The following SENP5 variants were observed in gnomAD, a reference collection of about 807,000 sequenced individuals.
SENP5 encodes the protein SUMO specific peptidase 5.
SENP5 carries 21 observed loss-of-function variants against 74.2 expected under a neutral mutation model. That is an observed-to-expected ratio of 0.28 (90% confidence interval 0.20 to 0.41). The LOEUF (loss-of-function observed/expected upper bound fraction) is 0.41. Among genes scored for constraint, SENP5 ranks in the 10% least tolerant of loss-of-function variants. The pLI is 1.00. For missense variants in SENP5, 717 were observed against 889.1 expected (o/e 0.81, Z 2.46); for synonymous variants, 311 against 312.7 (o/e 0.99, Z 0.06).
intron 1 of SENP5, among the ~76,000 whole-genome samples, chr3:196,868,829 G>A (rs967235480): frequency 6.6e-6 from 1 of 151,402 alleles, no homozygotes; most frequent in African/African-American, 2.4e-5. Flanking sequence ...TGAGAATCTG[G>A]TTAAATTTAA....
chr3:196,891,688 C>G (rs1714206343), intron 2 of SENP5, among the ~76,000 whole-genome samples: 1 of 152,156 alleles, frequency 6.6e-6, no homozygotes. Flanking sequence ...AGTCCCAGCT[C>G]CTCAGATGGA....
rs779515847 is a variant in SENP5 at position 196,899,715 on chromosome 3, T to C, written c.1563T>C (p.Ser521=). ...AGTATGGCAGTTTGGTTCCACTCAG[T>C]GAAAAAGAAGTCCTTGGAAGATTAA... is the stretch of plus-strand genomic sequence containing the variant. ...MKKYGSLVPL[S]EKEVLGRLKD... The change falls in exon 3 of 10, where the codon AGT becomes AGC. Residue 521 remains serine (S), a synonymous_variant. Coordinates refer to ENST00000323460, the MANE Select transcript of SENP5 (RefSeq NM_152699.5). The C allele has an allele frequency of 6.2e-7, 1 of 1,611,240 alleles. No homozygotes were observed. Among genetic ancestry groups the C allele is most frequent in the Non-Finnish European group, 8.5e-7 (1 of 1,177,568 alleles).
intron 6 of SENP5, chr3:196,914,605 A>ATATATGTATG (rs1553825411): frequency 1.6e-5 from 2 of 122,492 alleles, no homozygotes; most frequent in African/African-American, 6.5e-5. Flanking sequence ...ATATATATAT[A>ATATATGTATG]TATATATGTC....
intron 6 of SENP5, among the ~76,000 whole-genome samples, chr3:196,920,195 A>G (rs1715561944): frequency 6.6e-6 from 1 of 152,234 alleles, no homozygotes; most frequent in African/African-American, 2.4e-5. Context: ...CAGTGTATGA[A>G]CATGGTATAT....
chr3:196,873,958 C>T (rs996296429), intron 1 of SENP5, among the ~76,000 whole-genome samples: 5 of 151,810 alleles, frequency 3.3e-5, no homozygotes, highest in African/African-American at 1.2e-4. Flanking sequence ...CTGCCTCAGC[C>T]TCTTGAGTAG....
intron 2 of SENP5, among the ~76,000 whole-genome samples, chr3:196,893,200 G>C (rs997511538): frequency 2.0e-5 from 3 of 152,158 alleles, no homozygotes; most frequent in African/African-American, 7.2e-5. Flanking sequence ...TCCTTTGCCT[G>C]CTTTTTAAAT....
chr3:196,891,200 A>G (rs1714185187), intron 2 of SENP5, among the ~76,000 whole-genome samples: 1 of 152,246 alleles, frequency 6.6e-6, no homozygotes, highest in Non-Finnish European at 1.5e-5. Context: ...AAAAGGCCTT[A>G]TAACATATGA....
intron 5 of SENP5, among the ~76,000 whole-genome samples, chr3:196,901,513 A>C (rs964226205): frequency 6.6e-6 from 1 of 152,150 alleles, no homozygotes; most frequent in South Asian, 2.1e-4. Context: ...CTATTTTTTT[A>C]CTTAATGTAT....
chr3:196,911,973 T>C (rs1317946547), intron 6 of SENP5, among the ~76,000 whole-genome samples: 1 of 152,228 alleles, frequency 6.6e-6, no homozygotes, highest in Non-Finnish European at 1.5e-5. Flanking sequence ...GCTTTTACAC[T>C]GTTGGTGGGA....
intron 9 of SENP5, among the ~76,000 whole-genome samples, chr3:196,930,093 A>G (rs1715976731): frequency 1.3e-5 from 2 of 152,096 alleles, no homozygotes; most frequent in Non-Finnish European, 2.9e-5. Flanking sequence ...TGTGCTGTAG[A>G]TCTCCTTAGA....
At chr3:196,897,865 T>C (rs1299497477) in intron 2 of SENP5, among the ~76,000 whole-genome samples, 1 of 152,116 alleles carries the variant, frequency 6.6e-6, no homozygotes, top group Non-Finnish European at 1.5e-5. Context: ...CTTTTTTGTA[T>C]TTACTTAGAA....
At chr3:196,868,854 G>C (rs904556748) in intron 1 of SENP5, among the ~76,000 whole-genome samples, 4 of 152,076 alleles carry the variant, frequency 2.6e-5, no homozygotes, top group African/African-American at 9.7e-5. Context: ...AGAATATCCA[G>C]GACACTTCAT....
At position 196,886,496 on chromosome 3, in the gene SENP5, T is replaced by G. The variant is rs1377441907; in HGVS notation, c.1315T>G (p.Ser439Ala). 1 of 1,612,232 alleles carries G rather than the reference T, an allele frequency of 6.2e-7. No homozygotes were observed. The change falls in exon 2 of 10, where the codon TCA becomes GCA. Residue 439 changes from serine (S) to alanine (A), a missense_variant. Around this residue, in one of 4 missense-constraint regions of SENP5, gnomAD observed 567 missense variants for 577.4 expected, o/e 0.98. Transcript: ENST00000323460. ...VSQKAVQNEN[S>A]YQMEEDGSLK... is the part of the protein sequence containing the mutation. Reference sequence around the variant, plus strand: ...CCAAAAGGCTGTTCAAAATGAGAACTCATACCAGATGGAGGAGGATGGATC... The same window carrying G: ...CCAAAAGGCTGTTCAAAATGAGAACGCATACCAGATGGAGGAGGATGGATC...
chr3:196,915,922 G>A (rs768011792), intron 6 of SENP5, among the ~76,000 whole-genome samples: 4 of 152,090 alleles, frequency 2.6e-5, no homozygotes, highest in Non-Finnish European at 5.9e-5. Flanking sequence ...TTGAATACCT[G>A]GAAAGCCTTC....
chr3:196,882,742 GCTCTGCCC>G (rs1713780616), intron 1 of SENP5, among the ~76,000 whole-genome samples: 1 of 152,108 alleles, frequency 6.6e-6, no homozygotes, highest in Non-Finnish European at 1.5e-5. Flanking sequence ...GACCTCAAGT[GCTCTGCCC>G]ACCTTGGCCT....
At chr3:196,927,936 G>T in intron 8 of SENP5, 57 bp downstream of exon 8, 1 of 1,147,174 alleles carries the variant, frequency 8.7e-7, no homozygotes, top group Non-Finnish European at 1.3e-6. Context: ...ATTATCTAAG[G>T]GTGGGTGCCT....
Position 196,885,192 on chromosome 3 carries a change from A to G in SENP5, c.11A>G (p.Gln4Arg). The G allele has an allele frequency of 1.2e-6, 2 of 1,609,010 alleles. No homozygotes were observed. The highest frequency in any genetic ancestry group is 1.7e-6 in the Non-Finnish European group (2 of 1,178,138). ...TTATGCATCAGAAAAATGAAAAAAC[A>G]GAGGAAAATTCTATGGAGGAAAGGA... MKK[Q>R]RKILWRKGIH... The change falls in exon 2 of 10, where the codon CAG becomes CGG. Residue 4 changes from glutamine (Q) to arginine (R), a missense_variant. By Grantham distance (43) the Gln-to-Arg change is conservative (BLOSUM62 1). This residue lies in a region of SENP5 where 567 missense variants were observed against 577.4 expected (regional missense o/e 0.98). Transcript: ENST00000323460.
intron 1 of SENP5, among the ~76,000 whole-genome samples, chr3:196,877,107 G>C (rs1341252933): frequency 6.6e-6 from 1 of 150,530 alleles, no homozygotes; most frequent in Non-Finnish European, 1.5e-5. Context: ...ATCGTTTGAG[G>C]CCAGGAGTTC....
intron 2 of SENP5, among the ~76,000 whole-genome samples, chr3:196,889,193 T>TAA (rs1220011582): frequency 6.9e-6 from 1 of 144,994 alleles, no homozygotes; most frequent in African/African-American, 2.5e-5. Flanking sequence ...CCTAGCAAAT[T>TAA]AAAAAAAAAA....
Sources: gnomAD v4.1 joint callset for allele counts (sites outside exome capture counted in the v4.1 genomes callset) on GRCh38, gnomAD v4.1.1 for gene constraint, gnomAD v4.1.1 regional missense constraint, MANE v1.5 for transcripts, NCBI Gene and HGNC (gene_info 2026-07-23, HGNC 2026-07-21) for gene names.